The following KNL1 variants were observed in gnomAD, a reference collection of about 807,000 sequenced individuals.
KNL1 encodes the protein kinetochore scaffold 1.
A neutral mutation model predicts 201.3 loss-of-function variants in KNL1; 66 were observed. That is an observed-to-expected ratio of 0.33 (90% CI 0.27 to 0.40). The LOEUF (loss-of-function observed/expected upper bound fraction) is 0.40, where lower values mean the gene tolerates loss of function less well. Among genes scored for constraint, KNL1 ranks in the 10% least tolerant of loss-of-function variants. The pLI, the probability that KNL1 is intolerant of heterozygous loss-of-function variation, is 1.00. For missense variants in KNL1, 2,815 were observed against 2,690.5 expected (o/e 1.05, Z -1.02); for synonymous variants, 895 against 899.2 (o/e 1.00, Z 0.08).
intron 5 of KNL1, among the ~76,000 whole-genome samples, chr15:40,609,146 G>A (rs1892073633): frequency 6.6e-6 from 1 of 150,842 alleles, no homozygotes; most frequent in African/African-American, 2.4e-5. Flanking sequence ...GCTGGCTCAC[G>A]CCTGTAATCC....
chr15:40,651,926 C>T, intron 20 of KNL1, 79 bp from the exon 21 acceptor site: 3 of 846,682 alleles, frequency 3.5e-6, no homozygotes, highest in Non-Finnish European at 5.8e-6. Flanking sequence ...GCTGTTGGTA[C>T]TGTTTGGGTG....
At chr15:40,618,896 GA>G (rs1892427651) in intron 8 of KNL1, 62 bp from the exon 9 acceptor site, 3 of 1,071,048 alleles carry the variant, frequency 2.8e-6, no homozygotes, top group Non-Finnish European at 4.3e-6. Flanking sequence ...AAGAACCTAA[GA>G]AAAGGAAAAT....
rs148806795 is a variant in KNL1, at chr15:40,661,944, G to A, written c.6837-130G>A. On this transcript the variant is annotated intron_variant, in intron 25 of 25. Coordinates refer to ENST00000399668, the MANE Select transcript of KNL1 (RefSeq NM_144508.5). ...TAGTCCCAGCTACTCGGGAGGCTGA[G>A]GCAGGAGAATGGCATGAACCCGGGA... 4.8e-3 allele frequency: 2,579 copies of A among 537,962 alleles called. 59 individuals carry two copies. The highest frequency in any genetic ancestry group is 0.045 in the African/African-American group (2,280 of 51,210). 33.3% of individuals were successfully genotyped at this position (537,962 alleles called of 1,614,324 possible).
chr15:40,627,670 C>T (rs924699224), intron 10 of KNL1, among the ~76,000 whole-genome samples: 26 of 152,256 alleles, frequency 1.7e-4, no homozygotes, highest in African/African-American at 6.0e-4. Flanking sequence ...GTAGTAAAGC[C>T]TGGAAATAAG....
intron 9 of KNL1, among the ~76,000 whole-genome samples, chr15:40,620,405 G>T (rs1338746608): frequency 6.6e-6 from 1 of 151,952 alleles, no homozygotes; most frequent in Non-Finnish European, 1.5e-5. Context: ...TAGAGACGGG[G>T]TTTCACCATG....
intron 19 of KNL1, 39 bp downstream of exon 19, chr15:40,650,622 A>C (rs758548757): frequency 2.5e-4 from 382 of 1,513,942 alleles, no homozygotes; most frequent in Non-Finnish European, 3.3e-4. Context: ...TATAATGCTA[A>C]ATCACAGAAG....
At chr15:40,646,360 A>G (rs1443486129) in intron 16 of KNL1, among the ~76,000 whole-genome samples, 3 of 152,114 alleles carry the variant, frequency 2.0e-5, no homozygotes, top group Non-Finnish European at 4.4e-5. Context: ...GAACACCTAT[A>G]GAAATGCTAA....
intron 10 of KNL1, among the ~76,000 whole-genome samples, chr15:40,626,835 C>T (rs999480288): frequency 6.6e-6 from 1 of 152,082 alleles, no homozygotes; most frequent in Non-Finnish European, 1.5e-5. Flanking sequence ...CCACCTCGAC[C>T]TCCCAGAGTG....
intron 1 of KNL1, among the ~76,000 whole-genome samples, chr15:40,601,569 C>G (rs188237231): frequency 6.6e-6 from 1 of 152,020 alleles, no homozygotes; most frequent in Non-Finnish European, 1.5e-5. Context: ...GGGTGGCTCA[C>G]GCCTGTAATC....
chr15:40,617,808 A>G (rs1595921837), intron 8 of KNL1, among the ~76,000 whole-genome samples: 2 of 152,078 alleles, frequency 1.3e-5, no homozygotes, highest in East Asian at 3.9e-4. Context: ...CTGAACTACC[A>G]TCTCTGAGAG....
Position 40,621,010 on chromosome 15 carries a change from A to G in KNL1, c.746A>G (p.Asn249Ser). ...FEIPIYSKEP[N>S]SASSTHQMHV... ...ATACCTATTTATTCCAAGGAACCGA[A>G]CAGTGCCTCTTCTACACATCAAATG... The change falls in exon 10 of 26, where the codon AAC (asparagine) becomes AGC (serine). Residue 249 changes from asparagine (N) to serine (S), a missense_variant. Physicochemically the swap from Asn to Ser is conservative, Grantham distance 46. Around this residue, in one of 3 missense-constraint regions of KNL1, gnomAD observed 2,464 missense variants for 2,291.7 expected, o/e 1.08. Transcript: ENST00000399668. The G allele has an allele frequency of 2.5e-6, 4 of 1,606,060 alleles. No individual in the cohort carries two copies. The highest frequency in any genetic ancestry group is 3.4e-6 in the Non-Finnish European group (4 of 1,177,174).
chr15:40,657,644 A>G (rs560445287), intron 24 of KNL1, among the ~76,000 whole-genome samples, 171 bp downstream of exon 24: 3 of 152,216 alleles, frequency 2.0e-5, no homozygotes, highest in South Asian at 2.1e-4. Flanking sequence ...TTTGCTGGCA[A>G]TCTTTGGCAT....
chr15:40,638,055 C>T (rs1893110390), intron 13 of KNL1, among the ~76,000 whole-genome samples: 2 of 151,868 alleles, frequency 1.3e-5, no homozygotes, highest in Non-Finnish European at 2.9e-5. Flanking sequence ...GCAGCATATG[C>T]CTGTAGTCCC....
chr15:40,629,345 C>T lies in KNL1; in HGVS notation c.5656C>T (p.Pro1886Ser), dbSNP rs760764598. The T allele has an allele frequency of 2.5e-6, 4 of 1,605,550 alleles. No homozygotes were observed. The highest frequency in any genetic ancestry group is 3.4e-6 in the Non-Finnish European group (4 of 1,177,936). The stretch of plus-strand genomic sequence containing the variant: ...CCAGGTCCACATCTTGATACAGAAA[C>T]CCCGACAGAGCAATCTCCCAGGCAA... ...LLQVHILIQK[P>S]RQSNLPGNFT... The change falls in exon 13 of 26, where the codon CCC becomes TCC. Residue 1886 changes from proline (P) to serine (S), a missense_variant. Pro to Ser is a moderately conservative substitution (Grantham distance 74). Coordinates refer to ENST00000399668, the MANE Select transcript of KNL1 (RefSeq NM_144508.5).
chr15:40,608,433 G>GA (rs1240921260), intron 4 of KNL1, among the ~76,000 whole-genome samples: 1,044 of 80,820 alleles, frequency 0.013, 11 homozygotes, highest in African/African-American at 0.031. Flanking sequence ...AACCGTCTTG[G>GA]AAAAAAAAAA....
intron 1 of KNL1, among the ~76,000 whole-genome samples, chr15:40,599,137 A>G (rs1484132794): frequency 1.3e-5 from 2 of 151,386 alleles, no homozygotes; most frequent in Non-Finnish European, 1.5e-5. Flanking sequence ...TTAAACAACT[A>G]TAGCTTTAAA....
Position 40,648,041 on chromosome 15 carries a change from G to A in KNL1, c.6094+967G>A, listed in dbSNP as rs188298016. 1.8e-3 allele frequency among the ~76,000 whole-genome samples: 278 copies of A among 152,116 alleles called. 2 individuals carry two copies. Among genetic ancestry groups the A allele is most frequent in the Middle Eastern group, 0.017 (5 of 294 alleles). ...CTCAAGCATTTTTTGAGCATATACT[G>A]CATGCCAGATACTGTGCTTAGTATC... On this transcript the variant is annotated intron_variant, in intron 17 of 25. Transcript: ENST00000399668.
At chr15:40,643,094 T>A (rs1018769281) in intron 14 of KNL1, 2 of 152,256 alleles carry the variant, frequency 1.3e-5, no homozygotes, top group East Asian at 1.9e-4. Flanking sequence ...AAGACTAATA[T>A]ATATTGAGAC....
Position 40,662,409 on chromosome 15 carries a change from A to G in KNL1, c.*221A>G, listed in dbSNP as rs762412300. ...CTACTATCAACTTACTCATCTTTGTACCAAAGGTTTAAGTAATAGGACACT... is the reference window on the plus strand; with the variant it reads ...CTACTATCAACTTACTCATCTTTGTGCCAAAGGTTTAAGTAATAGGACACT... On this transcript the variant is annotated 3_prime_UTR_variant, in exon 26 of 26. Transcript: ENST00000399668. 14 of 439,470 alleles carry G rather than the reference A, an allele frequency of 3.2e-5. No homozygotes were observed. Among genetic ancestry groups the G allele is most frequent in the Non-Finnish European group, 4.9e-5 (12 of 245,846 alleles). The allele number at this position is 439,470 out of a possible 1,614,324, so 27.2% of individuals were successfully genotyped here.
Sources: allele counts gnomAD v4.1 joint callset (sites outside exome capture counted in the v4.1 genomes callset), GRCh38; gene constraint gnomAD v4.1.1; regional missense constraint gnomAD v4.1.1; transcripts MANE v1.5; gene names NCBI Gene and HGNC (gene_info 2026-07-23, HGNC 2026-07-21).